The following DRG2 variants were observed in gnomAD, a reference collection of about 807,000 sequenced individuals.
DRG2 encodes developmentally regulated GTP binding protein 2, also known as developmentally-regulated GTP-binding protein 2.
In DRG2, 36 loss-of-function variants were observed where a neutral mutation model predicts 53.4. The ratio of observed to expected loss-of-function variants is 0.67; its 90% CI spans 0.52 to 0.89. The LOEUF (loss-of-function observed/expected upper bound fraction) is 0.89. DRG2 is among the 40% of genes least tolerant of loss of function. DRG2 has a pLI of 0.00. For missense variants in DRG2, 342 were observed against 481.2 expected, an observed-to-expected ratio of 0.71 and a Z score of 2.71; for synonymous variants, 167 against 192.1, an observed-to-expected ratio of 0.87 and a Z score of 1.08.
At chr17:18,094,373 G>C (rs59631391) in intron 2 of DRG2, 1 of 157,538 alleles carries the variant, frequency 6.3e-6, no homozygotes, top group East Asian at 1.9e-4. Flanking sequence ...GGTGAGGAGT[G>C]GGGGCTGGTG....
At chr17:18,102,620 CAAAAAAA>C (rs60412520) in intron 9 of DRG2, among the ~76,000 whole-genome samples, 1 of 77,982 alleles carries the variant, frequency 1.3e-5, no homozygotes. Context: ...GACTCCATCT[CAAAAAAA>C]AAAAAAAAAA....
rs978740176 is a variant in DRG2 at position 18,100,157 on chromosome 17, G to T, written c.468-206G>T. The T allele has an allele frequency of 3.2e-6, 2 of 620,280 alleles. No individual in the cohort carries two copies. The highest frequency in any genetic ancestry group is 5.7e-6 in the Non-Finnish European group (2 of 352,894). 38.4% of individuals were successfully genotyped at this position (620,280 alleles called of 1,614,324 possible). A position where few individuals can be genotyped will look rare whatever the true frequency, so the allele number is the denominator to read the frequency against. Reference sequence around the variant, plus strand: ...TGCCTGTGCATGCCGACCGTAAACCGGGCCAGTCCCCTCTGGGACTGTGGC... The same window carrying T: ...TGCCTGTGCATGCCGACCGTAAACCTGGCCAGTCCCCTCTGGGACTGTGGC... On this transcript the variant is annotated intron_variant, in intron 5 of 12. Transcript: ENST00000225729. The surrounding 1 kb of genome is among the most constrained non-coding windows in gnomAD (Gnocchi z 4.1).
chr17:18,088,104 C>G lies in DRG2; in HGVS notation c.64+17C>G, dbSNP rs763247435. Reference sequence around the variant, plus strand: ...AGAACAAGGGTGAGGGCCGGCCGGGCGGGGCCTTCCTTTCTGCCTGCCTCA... The same window carrying G: ...AGAACAAGGGTGAGGGCCGGCCGGGGGGGGCCTTCCTTTCTGCCTGCCTCA... On this transcript the variant is annotated intron_variant, in intron 1 of 12. Transcript: ENST00000225729. The G allele has an allele frequency of 6.4e-4, 980 of 1,537,662 alleles. No homozygotes were observed. Among genetic ancestry groups the G allele is most frequent in the Non-Finnish European group, 8.1e-4 (927 of 1,141,330 alleles).
Position 18,098,046 on chromosome 17 carries a change from G to A in DRG2, c.226-224G>A. On this transcript the variant is annotated intron_variant, in intron 2 of 12. Coordinates refer to ENST00000225729, the MANE Select transcript of DRG2 (RefSeq NM_001388.5). This position sits in a 1 kb window ranked among gnomAD's most constrained non-coding sequence, Gnocchi z 4.1. ...CCCTGCCTCTACCTGAGACAGTCCT[G>A]AGGCCTCCAAGGAACAGATGGGCCT... 2.2e-6 allele frequency: 1 copy of A among 460,374 alleles called. No individual in the cohort carries two copies. The highest frequency in any genetic ancestry group is 3.4e-5 in the Admixed American group (1 of 29,662). The allele number at this position is 460,374 out of a possible 1,614,324, so 28.5% of individuals were successfully genotyped here. A position where few individuals can be genotyped will look rare whatever the true frequency, so the allele number is the denominator to read the frequency against.
At position 18,101,962 on chromosome 17, in the gene DRG2, C is replaced by T. The variant is rs1358566153; in HGVS notation, c.771C>T (p.Asp257=). The change falls in exon 9 of 13, where the codon GAC becomes GAT. Residue 257 remains aspartate, a synonymous_variant. Transcript: ENST00000225729. The part of the protein sequence containing the change: ...KIDQISMEEV[D]RLARKPNSVV... ...ACCAGATCTCCATGGAAGAGGTGGACCGCCTGGCCCGAAAACCCAACAGTG... is the reference window on the plus strand; with the variant it reads ...ACCAGATCTCCATGGAAGAGGTGGATCGCCTGGCCCGAAAACCCAACAGTG... The T allele has an allele frequency of 1.2e-6, 2 of 1,612,276 alleles. No homozygotes were observed. The highest frequency in any genetic ancestry group is 1.1e-5 in the South Asian group (1 of 90,668).
chr17:18,107,537 C>T lies in DRG2; in HGVS notation c.*297C>T, dbSNP rs1443430535. On this transcript the variant is annotated 3_prime_UTR_variant, in exon 13 of 13. Transcript: ENST00000225729. ...CCCTGCACTGAGGGAGCAAGTTGCC[C>T]ACATGCCCGCCAGCCAGGGCCTAAA... The T allele has an allele frequency of 6.8e-6, 3 of 438,168 alleles. No individual in the cohort carries two copies. The highest frequency in any genetic ancestry group is 4.2e-5 in the East Asian group (1 of 23,718). The allele number at this position is 438,168 out of a possible 1,614,324, so 27.1% of individuals were successfully genotyped here.
intron 2 of DRG2, 29 bp downstream of exon 2, chr17:18,094,002 G>A (rs369284223): frequency 1.9e-6 from 3 of 1,597,010 alleles, no homozygotes; most frequent in Non-Finnish European, 2.6e-6. Context: ...GGGCCTCGGG[G>A]AGGAAAGCAA....
intron 1 of DRG2, among the ~76,000 whole-genome samples, chr17:18,089,935 T>C (rs1183412809): frequency 6.6e-6 from 1 of 151,976 alleles, no homozygotes; most frequent in Non-Finnish European, 1.5e-5. Flanking sequence ...TGGGAGCTGG[T>C]GCAGGGTGTT....
intron 11 of DRG2, chr17:18,105,662 A>G (rs951159930): frequency 6.6e-6 from 1 of 152,314 alleles, no homozygotes; most frequent in African/African-American, 2.4e-5. Flanking sequence ...TGCAGACCAG[A>G]GTCAGCCACC....
intron 9 of DRG2, among the ~76,000 whole-genome samples, chr17:18,102,497 TATAATC>T (rs112377937): frequency 0.87 from 130,998 of 150,926 alleles, 57,102 homozygotes; most frequent in South Asian, 0.95. Context: ...GGCGTGTGCC[TATAATC>T]CCAGCTACTC....
In DRG2 at chr17:18,098,617, C is replaced by T. The variant is rs891193777; in HGVS notation, c.315+258C>T. 2 of 483,878 alleles carry T rather than the reference C, an allele frequency of 4.1e-6. No homozygotes were observed. Among genetic ancestry groups the T allele is most frequent in the African/African-American group, 3.9e-5 (2 of 51,436 alleles). 30.0% of individuals were successfully genotyped at this position (483,878 alleles called of 1,614,324 possible). On this transcript the variant is annotated intron_variant, in intron 3 of 12. Transcript: ENST00000225729. This position sits in a 1 kb window ranked among gnomAD's most constrained non-coding sequence, Gnocchi z 4.1. ...CCTGGCGCCCCCTGTGCTCTCCTCC[C>T]CAACACCACCACAGCTCTGGTCACT...
In DRG2 at chr17:18,101,503, T is replaced by C. The variant is rs753146120; in HGVS notation, c.642T>C (p.Asn214=). 9.9e-6 allele frequency: 16 copies of C among 1,614,146 alleles called. No individual in the cohort carries two copies. The highest frequency in any genetic ancestry group is 5.0e-5 in the Admixed American group (3 of 60,018). The stretch of plus-strand genomic sequence containing the variant: ...ATCGGAGCCCCTCAGAGATCTTCAA[T>C]GCAGAAGTGCTTTTCCGAGAAGACT... The part of the protein sequence containing the change: ...QLILHEYKIF[N]AEVLFREDCS... Residue 214 remains asparagine, a synonymous_variant, in exon 8 of 13, where the codon AAT becomes AAC. Coordinates refer to ENST00000225729, the MANE Select transcript of DRG2 (RefSeq NM_001388.5).
chr17:18,107,321 G>T lies in DRG2; in HGVS notation c.*81G>T. 7.2e-7 allele frequency: 1 copy of T among 1,387,852 alleles called. No homozygotes were observed. The allele number at this position is 1,387,852 out of a possible 1,614,324, so 86.0% of individuals were successfully genotyped here. A position where few individuals can be genotyped will look rare whatever the true frequency, so the allele number is the denominator to read the frequency against. On this transcript the variant is annotated 3_prime_UTR_variant, in exon 13 of 13. Transcript: ENST00000225729. ...ACTGGGACACACAAACACCCAAACA[G>T]AAAAATACAAATACACGTACCCCAG... is the stretch of plus-strand genomic sequence containing the variant.
Position 18,094,195 on chromosome 17 carries a change from TCACA to T in DRG2, c.225+227_225+230del, listed in dbSNP as rs1363002712. 13 of 549,614 alleles carry T rather than the reference TCACA, an allele frequency of 2.4e-5. 1 individual carries two copies. The highest frequency in any genetic ancestry group is 4.1e-5 in the Non-Finnish European group (13 of 315,648). 34.0% of individuals were successfully genotyped at this position (549,614 alleles called of 1,614,324 possible). A position where few individuals can be genotyped will look rare whatever the true frequency, so the allele number is the denominator to read the frequency against. On this transcript the variant is annotated intron_variant, in intron 2 of 12. Coordinates refer to ENST00000225729, the MANE Select transcript of DRG2 (RefSeq NM_001388.5). ...CCTACTTGGTCTTCCGACTCAGTCA[TCACA>T]CACAAATACTTCTCGAGTGTGTATC...
chr17:18,090,407 T>TATATATATA (rs71155314), intron 1 of DRG2, among the ~76,000 whole-genome samples: 1 of 19,922 alleles, frequency 5.0e-5, no homozygotes, highest in Non-Finnish European at 9.3e-5. Context: ...TATATATATA[T>TATATATATA]TTTTTTTTTT....
rs761574690 is a variant in DRG2, at chr17:18,103,503, C to T, written c.807-298C>T. ...TTGCCCATGGTCCCGTCACAGCCCC[C>T]GGCCATCTCGCCATGGCAGCCCTTC... On this transcript the variant is annotated intron_variant, in intron 9 of 12. Transcript: ENST00000225729. This position sits in a 1 kb window ranked among gnomAD's most constrained non-coding sequence, Gnocchi z 4.4. Among the ~76,000 whole-genome samples, 1 of 152,308 alleles carries T rather than the reference C, an allele frequency of 6.6e-6. No individual in the cohort carries two copies. Among genetic ancestry groups the T allele is most frequent in the East Asian group, 1.9e-4 (1 of 5,182 alleles).
chr17:18,088,173 C>G, intron 1 of DRG2, 86 bp downstream of exon 1: 4 of 1,457,542 alleles, frequency 2.7e-6, no homozygotes, highest in Non-Finnish European at 3.7e-6. Flanking sequence ...AGCAGTAATG[C>G]TGGGGCAAGA....
Position 18,098,917 on chromosome 17 carries a change from C to T in DRG2, c.316-100C>T. The T allele has an allele frequency of 2.9e-6, 4 of 1,388,154 alleles. No individual in the cohort carries two copies. The highest frequency in any genetic ancestry group is 1.2e-5 in the South Asian group (1 of 80,782). The allele number at this position is 1,388,154 out of a possible 1,614,324, so 86.0% of individuals were successfully genotyped here. On this transcript the variant is annotated intron_variant, in intron 3 of 12. Coordinates refer to ENST00000225729, the MANE Select transcript of DRG2 (RefSeq NM_001388.5). The surrounding 1 kb of genome is among the most constrained non-coding windows in gnomAD (Gnocchi z 4.1). ...AGGTTGGCATCTGGGTTTCCCTCAGCCCCTGAGCCCCGGGGCCATTCCAGA... is the reference window on the plus strand; with the variant it reads ...AGGTTGGCATCTGGGTTTCCCTCAGTCCCTGAGCCCCGGGGCCATTCCAGA...
Position 18,100,731 on chromosome 17 carries a change from C to T in DRG2, c.631+72C>T, listed in dbSNP as rs2142198461. ...AGCGCAGCGGGGGGACTGACTAAGA[C>T]AGGAGGCCTCATGGAGCAGGGTGGC... On this transcript the variant is annotated intron_variant, in intron 7 of 12. Transcript: ENST00000225729. This position sits in a 1 kb window ranked among gnomAD's most constrained non-coding sequence, Gnocchi z 4.1. 4.8e-6 allele frequency: 7 copies of T among 1,454,580 alleles called. No individual in the cohort carries two copies. Among genetic ancestry groups the T allele is most frequent in the South Asian group, 1.2e-5 (1 of 82,736 alleles). 90.1% of individuals were successfully genotyped at this position (1,454,580 alleles called of 1,614,324 possible).
Sources: gnomAD v4.1 joint callset for allele counts (sites outside exome capture counted in the v4.1 genomes callset) on GRCh38, gnomAD v4.1.1 for gene constraint, Gnocchi (gnomAD v3.1) non-coding constraint, MANE v1.5 for transcripts, NCBI Gene and HGNC (gene_info 2026-07-23, HGNC 2026-07-21) for gene names.